The following MALT1 variants were observed in gnomAD, a reference collection of about 807,000 sequenced individuals.
The protein encoded by MALT1 is mucosa-associated lymphoid tissue lymphoma translocation protein 1.
A neutral mutation model predicts 85.5 loss-of-function variants in MALT1; 36 were observed. That is an observed-to-expected ratio of 0.42 (90% CI 0.32 to 0.56). The LOEUF is 0.56. Among genes scored for constraint, MALT1 ranks in the 20% least tolerant of loss-of-function variants. The pLI is 0.10. For missense variants in MALT1, 716 were observed against 981.6 expected (o/e 0.73, Z 3.62); for synonymous variants, 359 against 361.3 (o/e 0.99, Z 0.07).
chr18:58,705,302 G>GTT (rs2054732053), intron 4 of MALT1, among the ~76,000 whole-genome samples: 1 of 147,132 alleles, frequency 6.8e-6, no homozygotes, highest in African/African-American at 2.6e-5. Context: ...GTGTGTGTGT[G>GTT]TGTGTGTGTG....
At chr18:58,723,909 T>C (rs2055018246) in intron 10 of MALT1, among the ~76,000 whole-genome samples, 1 of 152,208 alleles carries the variant, frequency 6.6e-6, no homozygotes, top group Non-Finnish European at 1.5e-5. Context: ...GTGCTGTCAC[T>C]AGCTAATCAT....
intron 9 of MALT1, among the ~76,000 whole-genome samples, chr18:58,721,250 A>G (rs577338359): frequency 2.4e-4 from 37 of 152,238 alleles, no homozygotes; most frequent in African/African-American, 7.9e-4. Context: ...GTGGTGGCGC[A>G]TGCCTGTAAT....
Position 58,729,485 on chromosome 18 carries a change from G to A in MALT1, c.1223-3912G>A, listed in dbSNP as rs1366283226. ...GCCTGGGCAACAAGAGTGAAACTCC[G>A]TCTCAAAAAAAAAAAAAAAAGAAAA... On this transcript the variant is annotated intron_variant, in intron 10 of 16. Coordinates refer to ENST00000649217, the MANE Select transcript of MALT1 (RefSeq NM_006785.4). Among the ~76,000 whole-genome samples the A allele has an allele frequency of 4.0e-4, 33 of 81,896 alleles. 1 individual carries two copies. Among genetic ancestry groups the A allele is most frequent in the African/African-American group, 1.2e-4 (3 of 24,536 alleles). 53.7% of individuals were successfully genotyped at this position (81,896 alleles called of 152,430 possible). A position where few individuals can be genotyped will look rare whatever the true frequency, so the allele number is the denominator to read the frequency against.
chr18:58,708,593 A>T (rs1451032274), intron 4 of MALT1, among the ~76,000 whole-genome samples: 1 of 152,212 alleles, frequency 6.6e-6, no homozygotes, highest in East Asian at 1.9e-4. Context: ...AGGGACTGGG[A>T]TGACCCAGAG....
Position 58,711,602 on chromosome 18 carries a change from G to A in MALT1, c.958+649G>A, listed in dbSNP as rs574492805. On this transcript the variant is annotated intron_variant, in intron 7 of 16. Coordinates refer to ENST00000649217, the MANE Select transcript of MALT1 (RefSeq NM_006785.4). Reference sequence around the variant, plus strand: ...AAGCATTGTACTTAAATTGTAATGAGTAAATATTAAAATTTGGATCATCTT... The same window carrying A: ...AAGCATTGTACTTAAATTGTAATGAATAAATATTAAAATTTGGATCATCTT... 7.2e-5 allele frequency among the ~76,000 whole-genome samples: 11 copies of A among 152,210 alleles called. No individual in the cohort carries two copies. The South Asian group carries it at 1.4e-3, about 20-fold the overall frequency.
intron 13 of MALT1, among the ~76,000 whole-genome samples, chr18:58,738,254 CT>C (rs1424897594): frequency 6.6e-6 from 1 of 152,080 alleles, no homozygotes; most frequent in Non-Finnish European, 1.5e-5. Flanking sequence ...TCTATGTAGT[CT>C]TTTGGGACTA....
chr18:58,698,716 A>G (rs2054629585), intron 3 of MALT1, among the ~76,000 whole-genome samples: 1 of 152,216 alleles, frequency 6.6e-6, no homozygotes, highest in Admixed American at 6.5e-5. Flanking sequence ...TTTCAGAAGG[A>G]GTAGCTTGCT....
intron 9 of MALT1, among the ~76,000 whole-genome samples, chr18:58,717,746 C>CAAAAAAAAAAAAAAAAAAAAA (rs35207196): frequency 9.9e-6 from 1 of 100,570 alleles, no homozygotes; most frequent in Non-Finnish European, 2.0e-5. Flanking sequence ...ACTCTTGTCT[C>CAAAAAAAAAAAAAAAAAAAAA]AAAAAAAAAA....
chr18:58,742,067 A>G (rs2055309543), intron 14 of MALT1, 53 bp downstream of exon 14: 2 of 1,349,206 alleles, frequency 1.5e-6, no homozygotes, highest in Non-Finnish European at 2.0e-6. Context: ...ACGTTAAATC[A>G]TAAAGTTTCT....
intron 1 of MALT1, among the ~76,000 whole-genome samples, chr18:58,674,365 G>T (rs2054210143): frequency 6.6e-6 from 1 of 152,196 alleles, no homozygotes. Flanking sequence ...CCTAACAAGA[G>T]GTGGCAAGCA....
chr18:58,684,901 G>A (rs2054378402), intron 2 of MALT1, among the ~76,000 whole-genome samples: 1 of 152,150 alleles, frequency 6.6e-6, no homozygotes, highest in African/African-American at 2.4e-5. Flanking sequence ...TTTGCCTCGT[G>A]TATTCAATAA....
intron 1 of MALT1, chr18:58,672,867 A>G (rs1184764100): frequency 6.6e-6 from 1 of 152,214 alleles, no homozygotes; most frequent in Admixed American, 6.5e-5. Flanking sequence ...CTCCTGAAAG[A>G]ATGAATGAAA....
intron 16 of MALT1, 99 bp downstream of exon 16, chr18:58,745,890 T>G: frequency 1.8e-6 from 2 of 1,088,278 alleles, no homozygotes; most frequent in South Asian, 1.6e-5. Flanking sequence ...ATTATTAAAG[T>G]AGAGATAACC....
Position 58,700,602 on chromosome 18 carries a change from A to G in MALT1, c.649+11A>G. The G allele has an allele frequency of 1.3e-6, 2 of 1,579,414 alleles. No homozygotes were observed. The highest frequency in any genetic ancestry group is 1.7e-6 in the Non-Finnish European group (2 of 1,169,248). ...CAGAGAGCTTCCAGAGTAAGTAACG[A>G]AAGAAGCTGAATGTTGGGATGGGGA... On this transcript the variant is annotated intron_variant, in intron 4 of 16. Coordinates refer to ENST00000649217, the MANE Select transcript of MALT1 (RefSeq NM_006785.4).
intron 12 of MALT1, 129 bp from the exon 13 acceptor site, chr18:58,735,073 C>T (rs75609858): frequency 1.0e-5 from 7 of 674,518 alleles, no homozygotes; most frequent in Non-Finnish European, 1.7e-5. Context: ...CCACCCCCCC[C>T]CAGCCTCTGG....
At position 58,745,682 on chromosome 18, in the gene MALT1, C is replaced by T; in HGVS notation, c.1928C>T (p.Pro643Leu). 1.2e-6 allele frequency: 2 copies of T among 1,612,374 alleles called. No individual in the cohort carries two copies. Among genetic ancestry groups the T allele is most frequent in the Non-Finnish European group, 1.7e-6 (2 of 1,179,196 alleles). ...TTTTTACAGGATCTAGATATTGATC[C>T]AAAAGATGCAAATAAAGGCACACCT... ...TDFPLDLDID[P>L]KDANKGTPEE... Residue 643 changes from proline to leucine, a missense_variant, in exon 16 of 17, where the codon CCA (proline) becomes CTA (leucine). Pro to Leu is a moderately conservative substitution (Grantham distance 98). This residue lies in a region of MALT1 where 260 missense variants were observed against 323.7 expected (regional missense o/e 0.80). Transcript: ENST00000649217.
At chr18:58,711,981 G>T (rs1369722453) in intron 7 of MALT1, among the ~76,000 whole-genome samples, 1 of 152,122 alleles carries the variant, frequency 6.6e-6, no homozygotes, top group Non-Finnish European at 1.5e-5. Context: ...TGGTTTTTAA[G>T]TCTTCCTAAT....
In MALT1 at chr18:58,748,675, T is replaced by C. The variant is rs187566019; in HGVS notation, c.*833T>C. 5.6e-3 allele frequency: 1,072 copies of C among 192,452 alleles called. 5 individuals carry two copies. Among genetic ancestry groups the C allele is most frequent in the Non-Finnish European group, 9.0e-3 (823 of 91,748 alleles). 11.9% of individuals were successfully genotyped at this position (192,452 alleles called of 1,614,324 possible). A position where few individuals can be genotyped will look rare whatever the true frequency, so the allele number is the denominator to read the frequency against. ...AGCATCTTCCTTGATAATATGTATTTTCTTCTTGAATTTCACTGGCCTAAT... is the reference window on the plus strand; with the variant it reads ...AGCATCTTCCTTGATAATATGTATTCTCTTCTTGAATTTCACTGGCCTAAT... On this transcript the variant is annotated 3_prime_UTR_variant, in exon 17 of 17. Coordinates refer to ENST00000649217, the MANE Select transcript of MALT1 (RefSeq NM_006785.4).
chr18:58,736,402 T>G (rs1602337208), intron 13 of MALT1, among the ~76,000 whole-genome samples: 2 of 151,846 alleles, frequency 1.3e-5, no homozygotes, highest in Non-Finnish European at 2.9e-5. Flanking sequence ...ACATTAGGCT[T>G]CTTCTGAAGC....
Sources: allele counts gnomAD v4.1 joint callset (sites outside exome capture counted in the v4.1 genomes callset), GRCh38; gene constraint gnomAD v4.1.1; regional missense constraint gnomAD v4.1.1; transcripts MANE v1.5; gene names NCBI Gene and HGNC (gene_info 2026-07-23, HGNC 2026-07-21).